FBN2: variants seen among roughly 807,000 people sequenced by gnomAD.
The protein encoded by FBN2 is fibrillin 2.
Under a neutral mutation model 355.6 loss-of-function variants are expected in FBN2, and 105 were observed. The observed-to-expected ratio is 0.30, with a 90% confidence interval of 0.25 to 0.35. The LOEUF is 0.35. Among genes scored for constraint, FBN2 ranks in the 10% least tolerant of loss-of-function variants. The probability of loss-of-function intolerance (pLI) is 1.00; values close to 1 mark genes in which losing one functional copy is unlikely to be tolerated. For missense variants in FBN2, 3,280 were observed against 3,758.7 expected, an observed-to-expected ratio of 0.87 and a Z score of 3.33; for synonymous variants, 1,350 against 1,301.2, an observed-to-expected ratio of 1.04 and a Z score of -0.81.
At position 128,291,568 on chromosome 5, in the gene FBN2, G is replaced by C. The variant is rs34845843; in HGVS notation, c.6253C>G (p.Pro2085Ala). The change falls in exon 49 of 65, where the codon CCT becomes GCT. Residue 2085 changes from proline (P) to alanine (A), a missense_variant. Transcript: ENST00000262464. ...TPGGFQCLCP[P>A]GFVLSDNGRR... is the part of the protein sequence containing the mutation. Reference sequence around the variant, plus strand: ...CCATTATCAGATAGTACAAAGCCAGGGGGGCAGAGGCACTGGAAGCCCCCT... The same window carrying C: ...CCATTATCAGATAGTACAAAGCCAGCGGGGCAGAGGCACTGGAAGCCCCCT... The C allele has an allele frequency of 1.5e-4, 244 of 1,613,962 alleles. 2 individuals carry two copies. In the Middle Eastern group the frequency reaches 1.6e-3, roughly 11 times the overall value.
In FBN2 at chr5:128,332,893, T is replaced by C; in HGVS notation, c.4222+19A>G. 1 of 1,613,304 alleles carries C rather than the reference T, an allele frequency of 6.2e-7. No homozygotes were observed. Among genetic ancestry groups the C allele is most frequent in the Non-Finnish European group, 8.5e-7 (1 of 1,179,320 alleles). ...AAAATTTGTGCCTTAGCAAAGGATATTTACATTTGCAAACTCACCAATACA... is the reference window on the plus strand; with the variant it reads ...AAAATTTGTGCCTTAGCAAAGGATACTTACATTTGCAAACTCACCAATACA... On this transcript the variant is annotated intron_variant, in intron 32 of 64. Coordinates refer to ENST00000262464, the MANE Select transcript of FBN2 (RefSeq NM_001999.4).
At chr5:128,481,665 G>A (rs933102987) in intron 5 of FBN2, among the ~76,000 whole-genome samples, 2 of 151,996 alleles carry the variant, frequency 1.3e-5, no homozygotes, top group Non-Finnish European at 2.9e-5. Context: ...ATGTGTCTCT[G>A]TTTAAACAGC....
intron 42 of FBN2, among the ~76,000 whole-genome samples, chr5:128,306,659 G>A (rs1212888304): frequency 6.6e-6 from 1 of 152,074 alleles, no homozygotes; most frequent in East Asian, 1.9e-4. Flanking sequence ...AATCTTTGAG[G>A]AAGGAAGCTA....
intron 12 of FBN2, among the ~76,000 whole-genome samples, 191 bp downstream of exon 12, chr5:128,378,580 C>T (rs1752148369): frequency 6.6e-6 from 1 of 152,090 alleles, no homozygotes; most frequent in Non-Finnish European, 1.5e-5. Flanking sequence ...AAAACAGATA[C>T]CATGTTGCCT....
At chr5:128,260,759 A>T (rs1158150707) in intron 64 of FBN2, among the ~76,000 whole-genome samples, 1 of 152,194 alleles carries the variant, frequency 6.6e-6, no homozygotes, top group Non-Finnish European at 1.5e-5. Flanking sequence ...TAGACAAGTC[A>T]GGTCATATAG....
chr5:128,271,272 G>A (rs886252800), intron 62 of FBN2, among the ~76,000 whole-genome samples: 1 of 152,192 alleles, frequency 6.6e-6, no homozygotes, highest in African/African-American at 2.4e-5. Flanking sequence ...GCTCAGTTAT[G>A]CCAGCACCTA....
intron 5 of FBN2, among the ~76,000 whole-genome samples, chr5:128,509,082 C>T (rs1420270475): frequency 6.6e-6 from 1 of 151,946 alleles, no homozygotes; most frequent in Non-Finnish European, 1.5e-5. Flanking sequence ...TAATTTTCTT[C>T]AAGTTTCTTT....
intron 11 of FBN2, among the ~76,000 whole-genome samples, chr5:128,385,717 T>G (rs2126968822): frequency 6.6e-6 from 1 of 152,286 alleles, no homozygotes; most frequent in Non-Finnish European, 1.5e-5. Flanking sequence ...CATCTACTTT[T>G]TAATAACAGC....
Position 128,301,530 on chromosome 5 carries a change from TGTTTTTCAG to T in FBN2, c.5918-29_5918-21del. 6.2e-7 allele frequency: 1 copy of T among 1,611,702 alleles called. No individual in the cohort carries two copies. Among genetic ancestry groups the T allele is most frequent in the Non-Finnish European group, 8.5e-7 (1 of 1,179,126 alleles). ...CTATGTCTGTAAGCAAACAGGAGTA[TGTTTTTCAG>T]AAAGAGCTCTTAACATGTATATTGT... is the stretch of plus-strand genomic sequence containing the variant. On this transcript the variant is annotated intron_variant, in intron 46 of 64. Transcript: ENST00000262464.
intron 18 of FBN2, 106 bp from the exon 19 acceptor site, chr5:128,361,954 T>C: frequency 8.9e-7 from 1 of 1,129,928 alleles, no homozygotes; most frequent in East Asian, 2.4e-5. Context: ...CTTTCTTCTC[T>C]GTGACATAGT....
intron 2 of FBN2, among the ~76,000 whole-genome samples, chr5:128,532,839 A>G (rs953389141): frequency 6.6e-6 from 1 of 152,202 alleles, no homozygotes; most frequent in Non-Finnish European, 1.5e-5. Flanking sequence ...TGAGCCTAGA[A>G]GTTGGAGATC....
At chr5:128,428,346 G>A (rs565777870) in intron 7 of FBN2, among the ~76,000 whole-genome samples, 6 of 152,200 alleles carry the variant, frequency 3.9e-5, no homozygotes, top group East Asian at 1.9e-4. Context: ...AGTATGCACC[G>A]TGGCTGGCAA....
At chr5:128,437,809 GATA>G (rs1307000228) in intron 7 of FBN2, among the ~76,000 whole-genome samples, 1 of 151,690 alleles carries the variant, frequency 6.6e-6, no homozygotes. Flanking sequence ...TAGATAGATA[GATA>G]GATAGATAGA....
chr5:128,480,541 C>T (rs1233131602), intron 5 of FBN2, among the ~76,000 whole-genome samples: 4 of 152,054 alleles, frequency 2.6e-5, no homozygotes, highest in Non-Finnish European at 5.9e-5. Context: ...CAATGACTGG[C>T]TTTTACAAAA....
intron 5 of FBN2, among the ~76,000 whole-genome samples, chr5:128,492,609 C>T (rs1276720169): frequency 6.6e-6 from 1 of 152,002 alleles, no homozygotes; most frequent in Non-Finnish European, 1.5e-5. Context: ...TCAAGACCAG[C>T]CTTGCCAACA....
At chr5:128,499,009 A>C (rs1474236095) in intron 5 of FBN2, among the ~76,000 whole-genome samples, 2 of 152,216 alleles carry the variant, frequency 1.3e-5, no homozygotes, top group Non-Finnish European at 2.9e-5. Flanking sequence ...CATAGTAACC[A>C]AGCCAAGATT....
chr5:128,530,595 T>C lies in FBN2; in HGVS notation c.436A>G (p.Ile146Val). The change falls in exon 3 of 65, where the codon ATT (isoleucine) becomes GTT (valine). Residue 146 changes from isoleucine to valine, a missense_variant and splice_region_variant. This residue lies in a region of FBN2 where 130 missense variants were observed against 189.9 expected (regional missense o/e 0.68). Coordinates refer to ENST00000262464, the MANE Select transcript of FBN2 (RefSeq NM_001999.4). ...AAAAGGCCACAAGTAAGAAACATAC[T>C]TGATTTTGATCCACAGGTTGATGAT... ...QISSTCGSKS[I>V]QQCSVRCMNG... 1 of 1,605,642 alleles carries C rather than the reference T, an allele frequency of 6.2e-7. No individual in the cohort carries two copies. Among genetic ancestry groups the C allele is most frequent in the Non-Finnish European group, 8.5e-7 (1 of 1,172,450 alleles).
chr5:128,361,602 A>G, intron 19 of FBN2, 121 bp downstream of exon 19: 2 of 1,267,364 alleles, frequency 1.6e-6, no homozygotes, highest in South Asian at 2.5e-5. Context: ...GCTAAATGAG[A>G]TTATAAAATA....
At chr5:128,361,629 T>C (rs1751639365) in intron 19 of FBN2, 94 bp downstream of exon 19, 1 of 1,441,364 alleles carries the variant, frequency 6.9e-7, no homozygotes, top group Non-Finnish European at 9.8e-7. Flanking sequence ...TCAAACAATA[T>C]TCTTTTCACT....
Sources: allele counts gnomAD v4.1 joint callset (sites outside exome capture counted in the v4.1 genomes callset), GRCh38; gene constraint gnomAD v4.1.1; regional missense constraint gnomAD v4.1.1; transcripts MANE v1.5; gene names NCBI Gene and HGNC (gene_info 2026-07-23, HGNC 2026-07-21).